Variants in GDPD5 observed in about 807,000 individuals in gnomAD.
The protein encoded by GDPD5 is glycerophosphodiester phosphodiesterase 2.
GDPD5 carries 48 observed loss-of-function variants against 75.1 expected under a neutral mutation model. The observed-to-expected ratio is 0.64, with a 90% CI of 0.51 to 0.81. The LOEUF (loss-of-function observed/expected upper bound fraction) is 0.81. GDPD5 is among the 40% of genes least tolerant of loss of function. GDPD5 has a pLI of 0.00. For synonymous variants in GDPD5, 336 were observed against 339.0 expected (o/e 0.99, Z 0.10); for missense variants, 706 against 822.6 (o/e 0.86, Z 1.73).
intron 4 of GDPD5, 50 bp from the exon 5 acceptor site, chr11:75,457,836 T>C: frequency 6.9e-7 from 1 of 1,445,430 alleles, no homozygotes; most frequent in Non-Finnish European, 9.7e-7. Context: ...GGCCACTACC[T>C]GGCCCAGGAA....
chr11:75,450,438 T>G lies in GDPD5; in HGVS notation c.376-455A>C, dbSNP rs563434507. 9.6e-5 allele frequency: 17 copies of G among 176,536 alleles called. No homozygotes were observed. The South Asian group carries it at 1.4e-3, about 14-fold the overall frequency. 10.9% of individuals were successfully genotyped at this position (176,536 alleles called of 1,614,324 possible). A position where few individuals can be genotyped will look rare whatever the true frequency, so the allele number is the denominator to read the frequency against. Reference sequence around the variant, plus strand: ...CCTCAGGGGAAGGAGGCTGAGGAACTGGGTCTGCTGCAGGAGCCTGGAGTG... The same window carrying G: ...CCTCAGGGGAAGGAGGCTGAGGAACGGGGTCTGCTGCAGGAGCCTGGAGTG... On this transcript the variant is annotated intron_variant, in intron 6 of 16. Transcript: ENST00000336898.
chr11:75,447,235 T>C (rs776840153), intron 9 of GDPD5, among the ~76,000 whole-genome samples: 1 of 152,202 alleles, frequency 6.6e-6, no homozygotes, highest in Non-Finnish European at 1.5e-5. Flanking sequence ...ACCAGATGCG[T>C]GCTGTGGACC....
At chr11:75,517,623 T>C (rs1306147343) in intron 1 of GDPD5, among the ~76,000 whole-genome samples, 1 of 152,148 alleles carries the variant, frequency 6.6e-6, no homozygotes, top group African/African-American at 2.4e-5. Flanking sequence ...CTTTGGCCTC[T>C]TGAGCCTGGT....
chr11:75,496,387 G>A (rs924055897), intron 1 of GDPD5, among the ~76,000 whole-genome samples: 1 of 152,260 alleles, frequency 6.6e-6, no homozygotes, highest in Non-Finnish European at 1.5e-5. Context: ...GGGGAGCAGA[G>A]GAGTGAGCAG....
At chr11:75,466,027 ACAGTGGAG>A in intron 3 of GDPD5, among the ~76,000 whole-genome samples, 1 of 152,338 alleles carries the variant, frequency 6.6e-6, no homozygotes, top group East Asian at 1.9e-4. Flanking sequence ...CCAGATCCTT[ACAGTGGAG>A]CAAGGCAGGG....
Position 75,449,583 on chromosome 11 carries a change from C to A in GDPD5, c.502G>T (p.Ala168Ser), listed in dbSNP as rs1342745818. 4 of 1,586,716 alleles carry A rather than the reference C, an allele frequency of 2.5e-6. No homozygotes were observed. In the Admixed American group the frequency reaches 7.2e-5, roughly 29 times the overall value. The change falls in exon 8 of 17, where the codon GCT becomes TCT. Residue 168 changes from alanine to serine, a missense_variant. Physicochemically the swap from Ala to Ser is moderately conservative, Grantham distance 99. Coordinates refer to ENST00000336898, the MANE Select transcript of GDPD5 (RefSeq NM_030792.8). ...QGTAPFLHVG[A>S]VAAVTMLSWI... is the part of the protein sequence containing the mutation. ...GAGAGCATGGTGACTGCTGCCACAG[C>A]CCCCACATGCAGGAATGGCGCTGTG... is the stretch of plus-strand genomic sequence containing the variant.
At chr11:75,478,365 C>T (rs1416212859) in intron 2 of GDPD5, among the ~76,000 whole-genome samples, 1 of 152,164 alleles carries the variant, frequency 6.6e-6, no homozygotes. Context: ...AGGCTGGTCT[C>T]GAACTCCTGA....
chr11:75,484,361 C>A (rs1332423798), intron 2 of GDPD5, among the ~76,000 whole-genome samples: 1 of 152,192 alleles, frequency 6.6e-6, no homozygotes, highest in Non-Finnish European at 1.5e-5. Flanking sequence ...CCAGAGGGGA[C>A]AACAGCCTGG....
At chr11:75,472,034 A>G (rs1949678739) in intron 3 of GDPD5, among the ~76,000 whole-genome samples, 1 of 152,222 alleles carries the variant, frequency 6.6e-6, no homozygotes, top group Non-Finnish European at 1.5e-5. Flanking sequence ...AGAGAAAGCC[A>G]TCACTTTGAA....
intron 3 of GDPD5, among the ~76,000 whole-genome samples, chr11:75,476,255 G>A (rs1037962846): frequency 6.6e-6 from 1 of 152,096 alleles, no homozygotes; most frequent in African/African-American, 2.4e-5. Flanking sequence ...AGATGGAGAG[G>A]CTGAGGCTTG....
At chr11:75,502,067 T>C (rs1204509258) in intron 1 of GDPD5, among the ~76,000 whole-genome samples, 1 of 152,176 alleles carries the variant, frequency 6.6e-6, no homozygotes, top group Non-Finnish European at 1.5e-5. Flanking sequence ...AAGCCTCTCA[T>C]ATTGCTGCCT....
Position 75,435,959 on chromosome 11 carries a change from G to A in GDPD5, c.1670-304C>T, listed in dbSNP as rs149573338. On this transcript the variant is annotated intron_variant, in intron 16 of 16. Coordinates refer to ENST00000336898, the MANE Select transcript of GDPD5 (RefSeq NM_030792.8). ...TTTGCATGTGTCAGCCCCTCTCTTA[G>A]GAGTGACTGCCCCAACAACACCTCC... Among the ~76,000 whole-genome samples the A allele has an allele frequency of 4.6e-3, 695 of 152,274 alleles. 20 individuals carry two copies. Among genetic ancestry groups the A allele is most frequent in the Admixed American group, 0.038 (574 of 15,292 alleles).
rs762842371 is a variant in GDPD5 at position 75,449,535 on chromosome 11, C to T, written c.550G>A (p.Ala184Thr). Residue 184 changes from alanine (A) to threonine (T), a missense_variant, in exon 8 of 17, where the codon GCC (alanine) becomes ACC (threonine). By Grantham distance (58) the Ala-to-Thr change is moderately conservative. Transcript: ENST00000336898. ...MLSWIVAGQF[A>T]RAERTSSQVT... The stretch of plus-strand genomic sequence containing the variant: ...TACTCACAGGTCCGCTCTGCGCGGG[C>T]GAACTGTCCTGCCACGATCCAGGAG... 33 of 1,579,808 alleles carry T rather than the reference C, an allele frequency of 2.1e-5. No homozygotes were observed. The highest frequency in any genetic ancestry group is 8.1e-5 in the South Asian group (7 of 86,188).
intron 5 of GDPD5, among the ~76,000 whole-genome samples, chr11:75,457,278 G>A (rs1321289308): frequency 2.6e-5 from 4 of 152,142 alleles, no homozygotes; most frequent in Non-Finnish European, 4.4e-5. Context: ...GGGCCCTCTC[G>A]GCCAGGACAG....
intron 10 of GDPD5, 137 bp downstream of exon 10, chr11:75,444,276 C>A (rs1948922990): frequency 7.5e-6 from 5 of 663,898 alleles, no homozygotes; most frequent in Admixed American, 4.3e-5. Context: ...AGGGTGCCTG[C>A]CCTGCTGTGG....
intron 15 of GDPD5, chr11:75,437,323 G>A: frequency 2.1e-6 from 1 of 465,810 alleles, no homozygotes; most frequent in East Asian, 3.6e-5. Flanking sequence ...TTCTGTCTCA[G>A]GTGTCCCCAG....
chr11:75,486,363 C>T (rs111943531), intron 2 of GDPD5, among the ~76,000 whole-genome samples: 25 of 152,196 alleles, frequency 1.6e-4, no homozygotes, highest in African/African-American at 6.0e-4. Flanking sequence ...AGGTTAGGCA[C>T]CTGGTCGTCC....
intron 1 of GDPD5, among the ~76,000 whole-genome samples, chr11:75,511,538 T>C (rs1388157743): frequency 6.6e-6 from 1 of 152,136 alleles, no homozygotes; most frequent in Non-Finnish European, 1.5e-5. Flanking sequence ...CTTGAATCCA[T>C]TCCCATGCCA....
Position 75,441,275 on chromosome 11 carries a change from T to TTCACACTC in GDPD5, c.1360_1361insGAGTGTGA (p.Tyr454Ter). ...GAAGAGCCACGGTGCGTTGACTGTG[T>TTCACACTC]AGAGGTTCACACTCAGGTTCCAGGA... On this transcript the variant is annotated stop_gained and frameshift_variant, in exon 14 of 17. Transcript: ENST00000336898. LOFTEE classifies it high-confidence loss of function. 6.2e-7 allele frequency: 1 copy of TTCACACTC among 1,613,998 alleles called. No individual in the cohort carries two copies. Among genetic ancestry groups the TTCACACTC allele is most frequent in the South Asian group, 1.1e-5 (1 of 91,080 alleles).
Sources: allele counts gnomAD v4.1 joint callset (sites outside exome capture counted in the v4.1 genomes callset), GRCh38; gene constraint gnomAD v4.1.1; transcripts MANE v1.5; gene names NCBI Gene and HGNC (gene_info 2026-07-23, HGNC 2026-07-21).